The following MARCHF5 variants were observed in gnomAD, a reference collection of about 807,000 sequenced individuals.
MARCHF5 encodes the protein E3 ubiquitin-protein ligase MARCHF5.
MARCHF5 carries 5 observed loss-of-function variants against 36.5 expected under a neutral mutation model. The observed-to-expected ratio is 0.14, with a 90% CI of 0.07 to 0.29. The LOEUF is 0.29. MARCHF5 is among the 10% of genes least tolerant of loss of function. MARCHF5 has a pLI of 1.00. For synonymous variants in MARCHF5, 103 were observed against 109.9 expected, an observed-to-expected ratio of 0.94 and a Z score of 0.39; for missense variants, 179 against 336.3, an observed-to-expected ratio of 0.53 and a Z score of 3.66.
intron 2 of MARCHF5, among the ~76,000 whole-genome samples, chr10:92,319,157 A>G (rs1210023848): frequency 6.6e-6 from 1 of 152,256 alleles, no homozygotes; most frequent in Non-Finnish European, 1.5e-5. Flanking sequence ...AGTGCAATGC[A>G]TCATTCACCT....
At chr10:92,291,949 A>G (rs1023483825) in intron 1 of MARCHF5, among the ~76,000 whole-genome samples, 3 of 151,968 alleles carry the variant, frequency 2.0e-5, no homozygotes, top group Admixed American at 1.3e-4. Context: ...CTGAGAACCA[A>G]TGATAAGCAT....
intron 1 of MARCHF5, among the ~76,000 whole-genome samples, chr10:92,308,011 G>C (rs565499824): frequency 1.3e-5 from 2 of 151,058 alleles, no homozygotes; most frequent in African/African-American, 4.9e-5. Context: ...CACGATCTCA[G>C]CTTACTGCAA....
At position 92,311,309 on chromosome 10, in the gene MARCHF5, T is replaced by C. The variant is rs1324906617; in HGVS notation, c.210T>C (p.Ala70=). Residue 70 remains alanine (A), a synonymous_variant, in exon 2 of 6, where the codon GCT becomes GCC. Transcript: ENST00000358935. ...TARVACPQCN[A]EYLIVFPKLG... is the part of the protein sequence containing the mutation. ...GAGTGGCATGTCCTCAGTGCAATGC[T>C]GAATACCTAATAGTTTTTCCAAAAT... The C allele has an allele frequency of 1.9e-6, 3 of 1,600,274 alleles. No individual in the cohort carries two copies. Among genetic ancestry groups the C allele is most frequent in the African/African-American group, 1.3e-5 (1 of 74,334 alleles).
intron 5 of MARCHF5, among the ~76,000 whole-genome samples, chr10:92,350,518 T>C (rs1446239360): frequency 2.6e-5 from 4 of 152,184 alleles, no homozygotes; most frequent in Non-Finnish European, 5.9e-5. Context: ...CGGGTAATTG[T>C]CAGTCCATTT....
intron 1 of MARCHF5, among the ~76,000 whole-genome samples, chr10:92,302,653 A>G (rs865810610): frequency 1.3e-5 from 2 of 152,254 alleles, no homozygotes; most frequent in Middle Eastern, 3.4e-3. Context: ...TATGTTGGTC[A>G]GGCTGGTGTC....
At chr10:92,327,306 A>C (rs552548559) in intron 2 of MARCHF5, among the ~76,000 whole-genome samples, 1 of 142,134 alleles carries the variant, frequency 7.0e-6, no homozygotes, top group Admixed American at 6.9e-5. Context: ...ATATATGAAG[A>C]GCTTTTTTTT....
intron 2 of MARCHF5, among the ~76,000 whole-genome samples, chr10:92,335,208 CTTTT>C (rs1843488983): frequency 6.6e-6 from 1 of 152,104 alleles, no homozygotes. Context: ...CTTCCCATAA[CTTTT>C]TGTGGTGTAA....
rs575161225 is a variant in MARCHF5, at chr10:92,326,783, G to GTT, written c.239-13877_239-13876dup. On this transcript the variant is annotated intron_variant, in intron 2 of 5. Transcript: ENST00000358935. ...GAGCAACTGCAATATCTCATAAGCA[G>GTT]TTTTTTTTTTTTTTAACTCATTTGA... Among the ~76,000 whole-genome samples, 7 of 142,092 alleles carry GTT rather than the reference G, an allele frequency of 4.9e-5. No individual in the cohort carries two copies. The East Asian group carries it at 1.0e-3, about 21-fold the overall frequency. The allele number at this position is 142,092 out of a possible 152,430, so 93.2% of individuals were successfully genotyped here.
intron 3 of MARCHF5, among the ~76,000 whole-genome samples, chr10:92,342,938 T>C (rs1412165839): frequency 6.6e-6 from 1 of 152,238 alleles, no homozygotes; most frequent in Non-Finnish European, 1.5e-5. Flanking sequence ...TTAATGGTCA[T>C]GGTGAGACAG....
intron 3 of MARCHF5, among the ~76,000 whole-genome samples, chr10:92,348,670 A>G (rs1843684628): frequency 6.6e-6 from 1 of 152,196 alleles, no homozygotes; most frequent in Admixed American, 6.5e-5. Flanking sequence ...AGATTGTATT[A>G]GCTTCATTAC....
chr10:92,325,803 G>A lies in MARCHF5; in HGVS notation c.238+14466G>A, dbSNP rs576803118. On this transcript the variant is annotated intron_variant, in intron 2 of 5. Transcript: ENST00000358935. Reference sequence around the variant, plus strand: ...AGCAATTCTCCTGCCTCAGCCTCCCGAGTAGCTGGGATTACAGGTGTGCAC... The same window carrying A: ...AGCAATTCTCCTGCCTCAGCCTCCCAAGTAGCTGGGATTACAGGTGTGCAC... Among the ~76,000 whole-genome samples, 52 of 152,090 alleles carry A rather than the reference G, an allele frequency of 3.4e-4. No homozygotes were observed. In the East Asian group the frequency reaches 9.3e-3, roughly 27 times the overall value.
chr10:92,346,589 A>C (rs1239672725), intron 3 of MARCHF5, among the ~76,000 whole-genome samples: 1 of 148,842 alleles, frequency 6.7e-6, no homozygotes, highest in Non-Finnish European at 1.5e-5. Context: ...CTTGGGTTCA[A>C]GCGATTCTCC....
chr10:92,304,809 G>A (rs747548114), intron 1 of MARCHF5, among the ~76,000 whole-genome samples: 40 of 152,188 alleles, frequency 2.6e-4, no homozygotes, highest in Admixed American at 7.9e-4. Flanking sequence ...CACCCCCTAA[G>A]TTTTTCATGG....
intron 2 of MARCHF5, among the ~76,000 whole-genome samples, chr10:92,323,026 G>A (rs1038355730): frequency 1.3e-5 from 2 of 151,824 alleles, no homozygotes; most frequent in Admixed American, 6.6e-5. Flanking sequence ...GTGAGCCACC[G>A]GTCCCCAGCC....
In MARCHF5 at chr10:92,322,244, CAAAAAAAAAAAAAAAAA is replaced by C. The variant is rs56391697; in HGVS notation, c.238+10919_238+10935del. 4.7e-4 allele frequency among the ~76,000 whole-genome samples: 13 copies of C among 27,756 alleles called. No homozygotes were observed. In the East Asian group the frequency reaches 0.012, roughly 25 times the overall value. 18.2% of individuals were successfully genotyped at this position (27,756 alleles called of 152,430 possible). On this transcript the variant is annotated intron_variant, in intron 2 of 5. Transcript: ENST00000358935. ...GGGCAACAAGAGCGAAACTCCGTCT[CAAAAAAAAAAAAAAAAA>C]AAAAAAAAAAAGATTTGTCAGAGTT...
intron 2 of MARCHF5, among the ~76,000 whole-genome samples, chr10:92,312,900 C>T (rs1290168997): frequency 6.6e-6 from 1 of 152,186 alleles, no homozygotes; most frequent in African/African-American, 2.4e-5. Flanking sequence ...AGGTTTAGTG[C>T]AGTAATTGAA....
chr10:92,294,544 A>C (rs1221937400), intron 1 of MARCHF5, among the ~76,000 whole-genome samples: 1 of 152,190 alleles, frequency 6.6e-6, no homozygotes, highest in Non-Finnish European at 1.5e-5. Flanking sequence ...AGAGACTAAA[A>C]TATGTCAGCC....
chr10:92,329,401 C>A (rs1313746329), intron 2 of MARCHF5, among the ~76,000 whole-genome samples: 1 of 152,180 alleles, frequency 6.6e-6, no homozygotes, highest in Admixed American at 6.5e-5. Context: ...TAAAAGGGTA[C>A]TATAGAGTAA....
chr10:92,337,574 A>T (rs770783972), intron 2 of MARCHF5, among the ~76,000 whole-genome samples: 3 of 152,176 alleles, frequency 2.0e-5, no homozygotes, highest in Non-Finnish European at 2.9e-5. Flanking sequence ...TTTTGTTGCA[A>T]AGGGAGCAAT....
Sources: gnomAD v4.1 joint callset for allele counts (sites outside exome capture counted in the v4.1 genomes callset) on GRCh38, gnomAD v4.1.1 for gene constraint, MANE v1.5 for transcripts, NCBI Gene and HGNC (gene_info 2026-07-23, HGNC 2026-07-21) for gene names.